IQCM: variants seen among roughly 807,000 people sequenced by gnomAD.
IQCM encodes the protein IQ domain-containing protein M.
In IQCM, 45 loss-of-function variants were observed where a neutral mutation model predicts 57.6. The observed-to-expected ratio is 0.78, with a 90% confidence interval of 0.62 to 1.00. IQCM has a LOEUF of 1.00. IQCM is among the 50% of genes least tolerant of loss of function. The pLI is 0.00. For synonymous variants in IQCM, 148 were observed against 158.9 expected, an observed-to-expected ratio of 0.93 and a Z score of 0.51; for missense variants, 468 against 511.6, an observed-to-expected ratio of 0.91 and a Z score of 0.82.
intron 7 of IQCM, among the ~76,000 whole-genome samples, chr4:149,636,909 C>A (rs1273281098): frequency 6.6e-6 from 1 of 150,762 alleles, no homozygotes; most frequent in Admixed American, 6.6e-5. Flanking sequence ...TTTGGGAGGC[C>A]GAGGCGGGTG....
chr4:149,708,377 A>G (rs1039930813), intron 5 of IQCM, among the ~76,000 whole-genome samples: 3 of 151,986 alleles, frequency 2.0e-5, no homozygotes, highest in African/African-American at 7.2e-5. Context: ...ATAGACAGGA[A>G]CTTGAAGATT....
chr4:149,680,591 T>C (rs185644659), intron 7 of IQCM, among the ~76,000 whole-genome samples: 6 of 151,522 alleles, frequency 4.0e-5, no homozygotes, highest in Admixed American at 2.0e-4. Context: ...ATATGGTTAT[T>C]AGCACCTACT....
At chr4:149,726,095 G>T (rs1253765867) in intron 5 of IQCM, among the ~76,000 whole-genome samples, 4 of 139,454 alleles carry the variant, frequency 2.9e-5, no homozygotes, top group Non-Finnish European at 6.3e-5. Flanking sequence ...AAGAAAGAAA[G>T]AAAGAAAGAA....
chr4:149,481,524 A>C (rs1740768957), intron 12 of IQCM, among the ~76,000 whole-genome samples: 1 of 151,548 alleles, frequency 6.6e-6, no homozygotes, highest in Non-Finnish European at 1.5e-5. Context: ...TCTTTTTCCC[A>C]GTGTATGTTC....
At chr4:149,634,663 T>C (rs1442799150) in intron 7 of IQCM, among the ~76,000 whole-genome samples, 1 of 152,152 alleles carries the variant, frequency 6.6e-6, no homozygotes. Flanking sequence ...TTTTAAAAGA[T>C]GGAAGCAAAA....
chr4:149,622,342 C>CTTTTTTTTTTT (rs767957507), intron 7 of IQCM, among the ~76,000 whole-genome samples: 1 of 140,586 alleles, frequency 7.1e-6, no homozygotes, highest in African/African-American at 2.7e-5. Context: ...CAGTGGAATT[C>CTTTTTTTTTTT]TTTTTTATTT....
chr4:149,390,917 T>C (rs1471863994), intron 13 of IQCM, among the ~76,000 whole-genome samples: 1 of 151,806 alleles, frequency 6.6e-6, no homozygotes, highest in Non-Finnish European at 1.5e-5. Flanking sequence ...GTGTTGGTAA[T>C]ACTGGCCTCA....
At chr4:149,435,638 T>A (rs1032659531) in intron 12 of IQCM, among the ~76,000 whole-genome samples, 5 of 151,674 alleles carry the variant, frequency 3.3e-5, no homozygotes, top group Middle Eastern at 3.4e-3. Context: ...GAAGAAAGCA[T>A]TGTTATCATA....
intron 7 of IQCM, among the ~76,000 whole-genome samples, chr4:149,631,938 A>G (rs143431822): frequency 1.3e-5 from 2 of 152,372 alleles, no homozygotes; most frequent in Non-Finnish European, 2.9e-5. Context: ...GATTAAGCAC[A>G]TTGGACATTT....
intron 13 of IQCM, among the ~76,000 whole-genome samples, chr4:149,384,470 A>G (rs1338704271): frequency 6.6e-6 from 1 of 152,134 alleles, no homozygotes; most frequent in Admixed American, 6.6e-5. Context: ...GTCACTGGAG[A>G]GTAGTTGGCA....
At chr4:149,804,522 A>C (rs1773899210) in intron 2 of IQCM, among the ~76,000 whole-genome samples, 3 of 152,142 alleles carry the variant, frequency 2.0e-5, no homozygotes, top group Admixed American at 2.0e-4. Flanking sequence ...ATCTAAGAAG[A>C]GTTGTTGACT....
chr4:149,773,392 C>T (rs74600298), intron 2 of IQCM, among the ~76,000 whole-genome samples: 2,443 of 151,802 alleles, frequency 0.016, 64 homozygotes, highest in African/African-American at 0.055. Flanking sequence ...CCAAATAGAT[C>T]GAATATCACA....
At chr4:149,612,848 C>G (rs974264860) in intron 8 of IQCM, among the ~76,000 whole-genome samples, 5 of 151,934 alleles carry the variant, frequency 3.3e-5, no homozygotes, top group Admixed American at 2.0e-4. Flanking sequence ...GGCATCAATA[C>G]TCCTTACAGT....
At chr4:149,677,149 G>A (rs1761823226) in intron 7 of IQCM, among the ~76,000 whole-genome samples, 1 of 152,052 alleles carries the variant, frequency 6.6e-6, no homozygotes, top group Non-Finnish European at 1.5e-5. Context: ...ACCATCTTGG[G>A]TTCTCTGACA....
At chr4:149,551,140 C>T (rs1274462241) in intron 11 of IQCM, among the ~76,000 whole-genome samples, 1 of 152,180 alleles carries the variant, frequency 6.6e-6, no homozygotes, top group African/African-American at 2.4e-5. Context: ...TCATTTTGCT[C>T]TGCTCCAGTC....
chr4:149,517,090 T>G (rs1395595814), intron 12 of IQCM, among the ~76,000 whole-genome samples: 2 of 118,004 alleles, frequency 1.7e-5, no homozygotes, highest in African/African-American at 6.5e-5. Context: ...CCTTCAGGAA[T>G]GAAGGTTTGG....
intron 8 of IQCM, among the ~76,000 whole-genome samples, chr4:149,605,789 C>T (rs933860958): frequency 1.4e-5 from 2 of 142,694 alleles, no homozygotes; most frequent in African/African-American, 4.9e-5. Context: ...TATATAACCC[C>T]TCCCCCAACT....
intron 13 of IQCM, among the ~76,000 whole-genome samples, chr4:149,378,941 G>T (rs1362524785): frequency 1.3e-5 from 2 of 152,148 alleles, no homozygotes; most frequent in Non-Finnish European, 2.9e-5. Flanking sequence ...GCTGTGTACA[G>T]TCTAGGGACT....
intron 12 of IQCM, among the ~76,000 whole-genome samples, chr4:149,517,963 G>T (rs1745160862): frequency 6.6e-6 from 1 of 152,254 alleles, no homozygotes; most frequent in African/African-American, 2.4e-5. Flanking sequence ...TTATATACAT[G>T]TATCTATCCT....
Sources: allele counts gnomAD v4.1 joint callset (sites outside exome capture counted in the v4.1 genomes callset), GRCh38; gene constraint gnomAD v4.1.1; transcripts MANE v1.5; gene names NCBI Gene and HGNC (gene_info 2026-07-23, HGNC 2026-07-21).